Variants in PPARGC1A observed in about 807,000 individuals in gnomAD.
PPARGC1A encodes peroxisome proliferator-activated receptor gamma coactivator 1-alpha.
A neutral mutation model predicts 88.7 loss-of-function variants in PPARGC1A; 25 were observed. The ratio of observed to expected loss-of-function variants is 0.28; its 90% CI spans 0.21 to 0.39. PPARGC1A has a LOEUF of 0.39. PPARGC1A is among the 10% of genes least tolerant of loss of function. The probability of loss-of-function intolerance (pLI) is 1.00; values close to 1 mark genes in which losing one functional copy is unlikely to be tolerated. For missense variants in PPARGC1A, 880 were observed against 968.7 expected, an observed-to-expected ratio of 0.91 and a Z score of 1.22; for synonymous variants, 363 against 355.6, an observed-to-expected ratio of 1.02 and a Z score of -0.24.
intron 10 of PPARGC1A, among the ~76,000 whole-genome samples, chr4:23,809,595 A>T (rs974035142): frequency 3.3e-5 from 5 of 152,210 alleles, no homozygotes; most frequent in African/African-American, 1.2e-4. Context: ...CCACATTTTA[A>T]AAAGTAAAAA....
the PPARGC1A span, among the ~76,000 whole-genome samples, chr4:24,004,660 A>G: frequency 1.3e-5 from 2 of 152,172 alleles, no homozygotes; most frequent in Non-Finnish European, 2.9e-5. Context: ...GAAATCACTG[A>G]TTTTGTTACT....
the PPARGC1A span, among the ~76,000 whole-genome samples, chr4:24,225,140 C>T: frequency 6.6e-6 from 1 of 152,158 alleles, no homozygotes; most frequent in Non-Finnish European, 1.5e-5. Context: ...AATGATGGAA[C>T]TAGTTTTTAA....
chr4:24,006,367 A>G, the PPARGC1A span, among the ~76,000 whole-genome samples: 1 of 152,096 alleles, frequency 6.6e-6, no homozygotes, highest in African/African-American at 2.4e-5. Flanking sequence ...TTCCATGGGG[A>G]GTTCTACTGA....
At chr4:24,237,224 T>C in the PPARGC1A span, among the ~76,000 whole-genome samples, 31 of 151,966 alleles carry the variant, frequency 2.0e-4, no homozygotes, top group Admixed American at 5.2e-4. Flanking sequence ...TCCCCATCAA[T>C]AGTAATTCCG....
At chr4:23,844,636 T>C (rs1184590827) in intron 2 of PPARGC1A, among the ~76,000 whole-genome samples, 3 of 38,692 alleles carry the variant, frequency 7.8e-5, no homozygotes, top group African/African-American at 4.5e-4. Flanking sequence ...TATATAATAA[T>C]ATATATCATA....
chr4:24,278,239 G>A, the PPARGC1A span, among the ~76,000 whole-genome samples: 6 of 152,208 alleles, frequency 3.9e-5, no homozygotes, highest in East Asian at 3.9e-4. Context: ...ACTCCTTTGC[G>A]TGGCTTCTGT....
the PPARGC1A span, among the ~76,000 whole-genome samples, chr4:24,278,058 C>G: frequency 1.3e-4 from 20 of 152,012 alleles, 1 homozygote; most frequent in African/African-American, 4.8e-4. Flanking sequence ...GCTTGTAGTC[C>G]CAGCTACTCA....
At chr4:24,258,433 T>C in the PPARGC1A span, among the ~76,000 whole-genome samples, 2 of 152,190 alleles carry the variant, frequency 1.3e-5, no homozygotes, top group Non-Finnish European at 2.9e-5. Context: ...ACTACCCATC[T>C]TTCCCAAGGG....
chr4:24,263,245 A>G, the PPARGC1A span, among the ~76,000 whole-genome samples: 1 of 152,222 alleles, frequency 6.6e-6, no homozygotes. Flanking sequence ...GCAAATAAAC[A>G]AGTAAATGTA....
the PPARGC1A span, among the ~76,000 whole-genome samples, chr4:24,364,784 G>T: frequency 6.6e-6 from 1 of 152,086 alleles, no homozygotes; most frequent in Non-Finnish European, 1.5e-5. Flanking sequence ...TTAGAGAGTT[G>T]TAAAGGTTGA....
At chr4:24,168,030 C>G in the PPARGC1A span, among the ~76,000 whole-genome samples, 1 of 152,184 alleles carries the variant, frequency 6.6e-6, no homozygotes, top group African/African-American at 2.4e-5. Flanking sequence ...GCTGAGATTA[C>G]AGGCATGAGC....
the PPARGC1A span, among the ~76,000 whole-genome samples, chr4:24,421,802 A>G: frequency 2.0e-5 from 3 of 152,204 alleles, no homozygotes; most frequent in African/African-American, 7.2e-5. Context: ...TGTGCATACA[A>G]TTAGTAGTAC....
the PPARGC1A span, among the ~76,000 whole-genome samples, chr4:24,206,986 CCTCCGTCT>C: frequency 1.3e-5 from 2 of 151,270 alleles, no homozygotes; most frequent in Non-Finnish European, 2.9e-5. Flanking sequence ...AGCTTTAAAC[CCTCCGTCT>C]CTCAGTTGTT....
At chr4:23,988,514 T>G in the PPARGC1A span, among the ~76,000 whole-genome samples, 1 of 152,070 alleles carries the variant, frequency 6.6e-6, no homozygotes, top group African/African-American at 2.4e-5. Context: ...TGTGCAACAT[T>G]GTTGGAAAGA....
the PPARGC1A span, among the ~76,000 whole-genome samples, chr4:24,025,260 GAGAAAT>G: frequency 6.6e-6 from 1 of 152,200 alleles, no homozygotes; most frequent in Non-Finnish European, 1.5e-5. Flanking sequence ...CATGAGGAAA[GAGAAAT>G]AGAGAGATGC....
At chr4:23,943,564 G>A in the PPARGC1A span, among the ~76,000 whole-genome samples, 27 of 152,026 alleles carry the variant, frequency 1.8e-4, no homozygotes, top group East Asian at 3.9e-4. Flanking sequence ...TGGGTGAATC[G>A]GTTGTGGAAC....
At chr4:24,018,248 A>G in the PPARGC1A span, among the ~76,000 whole-genome samples, 2 of 152,214 alleles carry the variant, frequency 1.3e-5, no homozygotes, top group Non-Finnish European at 2.9e-5. Context: ...CTTGATATAG[A>G]ACTATTCTCA....
upstream of PPARGC1A, among the ~76,000 whole-genome samples, chr4:23,904,595 G>C (rs1188987595): frequency 6.6e-6 from 1 of 152,148 alleles, no homozygotes; most frequent in Non-Finnish European, 1.5e-5. Context: ...TTGTCAAGTG[G>C]CTGCTCAAAA....
the PPARGC1A span, among the ~76,000 whole-genome samples, chr4:24,199,159 G>A: frequency 2.6e-5 from 4 of 152,166 alleles, no homozygotes; most frequent in Non-Finnish European, 5.9e-5. Flanking sequence ...AGAACAGAAA[G>A]TTAACAGACT....
Sources: gnomAD v4.1 joint callset for allele counts (sites outside exome capture counted in the v4.1 genomes callset) on GRCh38, gnomAD v4.1.1 for gene constraint, MANE v1.5 for transcripts, NCBI Gene and HGNC (gene_info 2026-07-23, HGNC 2026-07-21) for gene names.